Variants in LRP2 observed in about 807,000 individuals in gnomAD.
The protein encoded by LRP2 is LDL receptor related protein 2.
Under a neutral mutation model 531.0 loss-of-function variants are expected in LRP2, and 172 were observed. The ratio of observed to expected loss-of-function variants is 0.32; its 90% CI spans 0.29 to 0.37. LRP2 has a LOEUF of 0.37. Ranked by LOEUF, LRP2 falls within the 10% of genes least tolerant of loss-of-function variation. LRP2 has a pLI of 1.00. For missense variants in LRP2, 5,167 were observed against 5,868.3 expected, an observed-to-expected ratio of 0.88 and a Z score of 3.90; for synonymous variants, 1,992 against 2,027.6, an observed-to-expected ratio of 0.98 and a Z score of 0.47.
At position 169,235,973 on chromosome 2, in the gene LRP2, T is replaced by G; in HGVS notation, c.4787A>C (p.Lys1596Thr). 1.2e-6 allele frequency: 2 copies of G among 1,614,192 alleles called. No homozygotes were observed. Among genetic ancestry groups the G allele is most frequent in the Non-Finnish European group, 8.5e-7 (1 of 1,180,012 alleles). Residue 1596 changes from lysine (K) to threonine (T), a missense_variant, in exon 29 of 79, where the codon AAG becomes ACG. Lys to Thr is a moderately conservative substitution (Grantham distance 78, BLOSUM62 -1). Transcript: ENST00000649046. Reference sequence around the variant, plus strand: ...AGTTAAGCCGCAGGGCCAGAAGATCTTGTCCTGGACAATGACAGTGCGCAT... The same window carrying G: ...AGTTAAGCCGCAGGGCCAGAAGATCGTGTCCTGGACAATGACAGTGCGCAT... The part of the protein sequence containing the change: ...GSMRTVIVQD[K>T]IFWPCGLTID...
At chr2:169,186,153 C>G (rs996466465) in intron 49 of LRP2, 134 bp from the exon 50 acceptor site, 4 of 780,272 alleles carry the variant, frequency 5.1e-6, no homozygotes. Context: ...CAAAGACTTC[C>G]AAAGACTGTG....
intron 1 of LRP2, among the ~76,000 whole-genome samples, chr2:169,335,825 C>T (rs1026358643): frequency 3.3e-5 from 5 of 151,830 alleles, no homozygotes; most frequent in African/African-American, 1.2e-4. Context: ...ACCAGCCTGG[C>T]CAGCATGGCA....
intron 67 of LRP2, 139 bp downstream of exon 67, chr2:169,152,659 AG>A (rs1439930929): frequency 2.2e-6 from 2 of 891,440 alleles, no homozygotes; most frequent in Non-Finnish European, 3.7e-6. Context: ...GGCTTCAGCA[AG>A]CCCAACCACT....
intron 75 of LRP2, among the ~76,000 whole-genome samples, 194 bp from the exon 76 acceptor site, chr2:169,137,687 C>T (rs1315715155): frequency 2.8e-5 from 4 of 142,888 alleles, no homozygotes; most frequent in Non-Finnish European, 6.1e-5. Context: ...AAACACAAGA[C>T]CTCCATATGG....
Position 169,185,618 on chromosome 2 carries a change from TC to T in LRP2, c.9729del (p.Trp3243Ter). 1 of 1,614,168 alleles carries T rather than the reference TC, an allele frequency of 6.2e-7. No individual in the cohort carries two copies. Among genetic ancestry groups the T allele is most frequent in the Non-Finnish European group, 8.5e-7 (1 of 1,180,014 alleles). ...DFDRVEKRLY[W>X]IDTQRQVIER... ...TCAATGACTTGCCTCTGTGTATCAATCCAATACAATCTCTTCTCTACTCGGT... is the reference window on the plus strand; with the variant it reads ...TCAATGACTTGCCTCTGTGTATCAATCAATACAATCTCTTCTCTACTCGGT... On this transcript the variant is annotated frameshift_variant, in exon 50 of 79. Coordinates refer to ENST00000649046, the MANE Select transcript of LRP2 (RefSeq NM_004525.3). LOFTEE classifies it high-confidence loss of function.
intron 3 of LRP2, among the ~76,000 whole-genome samples, chr2:169,317,458 T>C (rs939877780): frequency 6.6e-5 from 10 of 152,134 alleles, no homozygotes; most frequent in African/African-American, 2.4e-4. Flanking sequence ...GCAGCTTTTA[T>C]GCAATCAAGA....
In LRP2 at chr2:169,292,327, C is replaced by G; in HGVS notation, c.695G>C (p.Gly232Ala). 1.2e-6 allele frequency: 2 copies of G among 1,614,104 alleles called. No homozygotes were observed. The highest frequency in any genetic ancestry group is 2.7e-5 in the African/African-American group (2 of 75,030). Reference sequence around the variant, plus strand: ...AACCCAGTTTTGATAAATGCATCGGCCACTGGGGCAAGTGAACTGGTAACC... The same window carrying G: ...AACCCAGTTTTGATAAATGCATCGGGCACTGGGGCAAGTGAACTGGTAACC... ...CGGYQFTCPS[G>A]RCIYQNWVCD... The change falls in exon 7 of 79, where the codon GGC (glycine) becomes GCC (alanine). Residue 232 changes from glycine (G) to alanine (A), a missense_variant. This residue lies in a region of LRP2 where 2,811 missense variants were observed against 3,058.0 expected (regional missense o/e 0.92). Transcript: ENST00000649046.
At chr2:169,262,570 A>T (rs1400607314) in intron 16 of LRP2, among the ~76,000 whole-genome samples, 1 of 150,106 alleles carries the variant, frequency 6.7e-6, no homozygotes, top group Non-Finnish European at 1.5e-5. Context: ...GAAGAACTAC[A>T]AACCACTGCT....
chr2:169,278,069 G>T, intron 12 of LRP2, 118 bp from the exon 13 acceptor site: 2 of 780,248 alleles, frequency 2.6e-6, no homozygotes, highest in African/African-American at 1.8e-5. Context: ...GAGAACCACA[G>T]TATAAAACAA....
At chr2:169,282,607 C>T (rs1284468231) in intron 10 of LRP2, among the ~76,000 whole-genome samples, 4 of 152,172 alleles carry the variant, frequency 2.6e-5, no homozygotes, top group Non-Finnish European at 5.9e-5. Flanking sequence ...AGGTGGGTGA[C>T]ATGATAGCCT....
chr2:169,255,809 G>A (rs1690281650), intron 19 of LRP2, among the ~76,000 whole-genome samples: 1 of 152,074 alleles, frequency 6.6e-6, no homozygotes, highest in African/African-American at 2.4e-5. Flanking sequence ...CGTGATACTT[G>A]TATAACTAAG....
Position 169,277,778 on chromosome 2 carries a change from T to C in LRP2, c.1739A>G (p.Tyr580Cys). 3.1e-6 allele frequency: 5 copies of C among 1,614,122 alleles called. No homozygotes were observed. In the South Asian group the frequency reaches 5.5e-5, roughly 18 times the overall value. Residue 580 changes from tyrosine to cysteine, a missense_variant, in exon 13 of 79, where the codon TAC (tyrosine) becomes TGC (cysteine). By Grantham distance (194) the Tyr-to-Cys change is radical. Coordinates refer to ENST00000649046, the MANE Select transcript of LRP2 (RefSeq NM_004525.3). Reference protein sequence around the residue: ...RVYWVDSRFDYIETVTYDGIQ... With the variant: ...RVYWVDSRFDCIETVTYDGIQ... ...TCCATCATAAGTTACAGTTTCAATG[T>C]AATCAAACCGAGAGTCAACCCAGTA...
At chr2:169,353,360 G>C (rs982865767) in intron 1 of LRP2, among the ~76,000 whole-genome samples, 1 of 152,152 alleles carries the variant, frequency 6.6e-6, no homozygotes, top group Non-Finnish European at 1.5e-5. Flanking sequence ...GCACACAAAG[G>C]TGAAACTTAG....
At position 169,142,656 on chromosome 2, in the gene LRP2, C is replaced by T. The variant is rs1685765963; in HGVS notation, c.13108+18G>A. 6.2e-7 allele frequency: 1 copy of T among 1,613,354 alleles called. No individual in the cohort carries two copies. Among genetic ancestry groups the T allele is most frequent in the African/African-American group, 1.3e-5 (1 of 75,022 alleles). On this transcript the variant is annotated intron_variant, in intron 71 of 78. Coordinates refer to ENST00000649046, the MANE Select transcript of LRP2 (RefSeq NM_004525.3). ...GAGTGCTCCCAGGCCCCCATAGCTG[C>T]TTGGGCAGTGCTCCTACCTGCATCA...
At chr2:169,309,704 TG>T (rs1684537035) in intron 3 of LRP2, among the ~76,000 whole-genome samples, 4 of 152,104 alleles carry the variant, frequency 2.6e-5, no homozygotes, top group Admixed American at 6.6e-5. Flanking sequence ...CTTGGCAATG[TG>T]GGCTCTTTTT....
At position 169,150,933 on chromosome 2, in the gene LRP2, G is replaced by A. The variant is rs901843990; in HGVS notation, c.12555C>T (p.Asp4185=). Residue 4185 remains aspartate (D), a synonymous_variant, in exon 68 of 79, where the codon GAC becomes GAT. Transcript: ENST00000649046. ...YRKWLISTDL[D]QPAAIAVNPK... is the part of the protein sequence containing the mutation. ...GATTCACAGCAATAGCAGCTGGTTGGTCCAGGTCAGTGGAAATCAGCCACT... is the reference window on the plus strand; with the variant it reads ...GATTCACAGCAATAGCAGCTGGTTGATCCAGGTCAGTGGAAATCAGCCACT... The A allele has an allele frequency of 1.2e-6, 2 of 1,614,044 alleles. No individual in the cohort carries two copies. Among genetic ancestry groups the A allele is most frequent in the Non-Finnish European group, 1.7e-6 (2 of 1,179,950 alleles).
chr2:169,268,149 C>T (rs147431936), intron 16 of LRP2, among the ~76,000 whole-genome samples: 1,586 of 152,150 alleles, frequency 0.01, 31 homozygotes, highest in African/African-American at 0.036. Flanking sequence ...CAGGACCAGA[C>T]GGATTCACAG....
At chr2:169,234,163 A>G (rs1284578993) in intron 29 of LRP2, among the ~76,000 whole-genome samples, 3 of 151,974 alleles carry the variant, frequency 2.0e-5, no homozygotes, top group Non-Finnish European at 4.4e-5. Flanking sequence ...AAGTTCTGGG[A>G]TACATGTGCA....
Position 169,146,820 on chromosome 2 carries a change from T to C in LRP2, c.12730A>G (p.Ile4244Val), listed in dbSNP as rs757406087. Residue 4244 changes from isoleucine (I) to valine (V), a missense_variant, in exon 69 of 79, where the codon ATC (isoleucine) becomes GTC (valine). Ile to Val is a conservative substitution (Grantham distance 29). Transcript: ENST00000649046. ...TCCTCCTTGAAGTCACTCCAGTAGA[T>C]TCGGTCATTGTTCAAATAATCGATA... ...LSIDYLNNDR[I>V]YWSDFKEDVI... 3.1e-6 allele frequency: 5 copies of C among 1,614,080 alleles called. No homozygotes were observed.
Sources: gnomAD v4.1 joint callset for allele counts (sites outside exome capture counted in the v4.1 genomes callset) on GRCh38, gnomAD v4.1.1 for gene constraint, gnomAD v4.1.1 regional missense constraint, MANE v1.5 for transcripts, NCBI Gene and HGNC (gene_info 2026-07-23, HGNC 2026-07-21) for gene names.